CLIP2: variants seen among roughly 807,000 people sequenced by gnomAD.
CLIP2 encodes CAP-Gly domain containing linker protein 2, also known as CAP-Gly domain-containing linker protein 2.
Under a neutral mutation model 111.7 loss-of-function variants are expected in CLIP2, and 41 were observed. That is an observed-to-expected ratio of 0.37 (90% CI 0.29 to 0.48). The LOEUF (loss-of-function observed/expected upper bound fraction) is 0.48, where lower values mean the gene tolerates loss of function less well. Ranked by LOEUF, CLIP2 falls within the 20% of genes least tolerant of loss-of-function variation. The pLI, the probability that CLIP2 is intolerant of heterozygous loss-of-function variation, is 0.99. For synonymous variants in CLIP2, 660 were observed against 644.2 expected (o/e 1.02, Z -0.37); for missense variants, 1,160 against 1,422.1 (o/e 0.82, Z 2.96).
At position 74,330,248 on chromosome 7, in the gene CLIP2, C is replaced by CTTTTTTTTT. The variant is rs10635770; in HGVS notation, c.122-8194_122-8186dup. Among the ~76,000 whole-genome samples, 30 of 136,402 alleles carry CTTTTTTTTT rather than the reference C, an allele frequency of 2.2e-4. 1 individual carries two copies. The highest frequency in any genetic ancestry group is 2.8e-4 in the Non-Finnish European group (18 of 64,188). The allele number at this position is 136,402 out of a possible 152,430, so 89.5% of individuals were successfully genotyped here. A position where few individuals can be genotyped will look rare whatever the true frequency, so the allele number is the denominator to read the frequency against. Reference sequence around the variant, plus strand: ...CTAGCTTCCTCTTGGTGTTTCTTTTCTTTTTTTTTTTTTTCTTTCTTTTTT... The same window carrying CTTTTTTTTT: ...CTAGCTTCCTCTTGGTGTTTCTTTTCTTTTTTTTTTTTTTTTTTTTTTTCTTTCTTTTTT... On this transcript the variant is annotated intron_variant, in intron 2 of 16. Coordinates refer to ENST00000223398, the MANE Select transcript of CLIP2 (RefSeq NM_003388.5).
intron 2 of CLIP2, among the ~76,000 whole-genome samples, chr7:74,335,643 T>TTTCCTTCCTTCCTTCCTTCCTTCC (rs199977061): frequency 2.8e-4 from 38 of 137,958 alleles, no homozygotes; most frequent in South Asian, 1.0e-3. Flanking sequence ...CCTGGCTTAT[T>TTTCCTTCCTTCCTTCCTTCCTTCC]TTCCTTCCTT....
rs1554312225 is a variant in CLIP2, at chr7:74,372,979, C to A, written c.1428C>A (p.Ser476Arg). The A allele has an allele frequency of 1.3e-6, 2 of 1,591,518 alleles. No individual in the cohort carries two copies. Among genetic ancestry groups the A allele is most frequent in the African/African-American group, 1.4e-5 (1 of 73,498 alleles). Residue 476 changes from serine to arginine, a missense_variant, in exon 9 of 17, where the codon AGC becomes AGA. Transcript: ENST00000223398. ...EHARIGELEQ[S>R]LLLEKAQAER... ...CGCGCATTGGGGAGCTGGAACAGAGCCTGCTACTGGAGAAGGCGCAGGCCG... is the reference window on the plus strand; with the variant it reads ...CGCGCATTGGGGAGCTGGAACAGAGACTGCTACTGGAGAAGGCGCAGGCCG...
intron 3 of CLIP2, among the ~76,000 whole-genome samples, chr7:74,347,955 G>A (rs997955889): frequency 2.6e-5 from 4 of 151,874 alleles, no homozygotes; most frequent in Admixed American, 6.6e-5. Context: ...CAAGACGGGC[G>A]GATCACTTGA....
Position 74,338,436 on chromosome 7 carries a change from C to T in CLIP2, c.122-12C>T. Reference sequence around the variant, plus strand: ...CAGCCACCTCTTTCCCTTTCCCTCTCCTTCTCTGCAGGCTCCCCACTGCAC... The same window carrying T: ...CAGCCACCTCTTTCCCTTTCCCTCTTCTTCTCTGCAGGCTCCCCACTGCAC... On this transcript the variant is annotated splice_polypyrimidine_tract_variant and intron_variant, in intron 2 of 16. Transcript: ENST00000223398. This position sits in a 1 kb window ranked among gnomAD's most constrained non-coding sequence, Gnocchi z 4.3. The T allele has an allele frequency of 1.9e-6, 3 of 1,611,300 alleles. No homozygotes were observed. Among genetic ancestry groups the T allele is most frequent in the Non-Finnish European group, 1.7e-6 (2 of 1,179,308 alleles).
At chr7:74,297,743 A>G (rs1554726280) in intron 1 of CLIP2, among the ~76,000 whole-genome samples, 1 of 151,964 alleles carries the variant, frequency 6.6e-6, no homozygotes, top group Non-Finnish European at 1.5e-5. Flanking sequence ...GAATGTGGCT[A>G]TGGGGTGTGA....
At chr7:74,379,862 G>A (rs1191981380) in intron 10 of CLIP2, among the ~76,000 whole-genome samples, 16 of 151,924 alleles carry the variant, frequency 1.1e-4, no homozygotes, top group Admixed American at 9.2e-4. Context: ...CAGGAGAATC[G>A]CTTGAACCCG....
intron 10 of CLIP2, 197 bp from the exon 11 acceptor site, chr7:74,380,609 G>A (rs1562721204): frequency 2.0e-6 from 1 of 489,934 alleles, no homozygotes; most frequent in East Asian, 3.1e-5. Context: ...GGTGCAGAAT[G>A]GGGGTCCTCT....
chr7:74,330,248 C>CTTTTTTTTTTTTTTTTTTT (rs10635770), intron 2 of CLIP2, among the ~76,000 whole-genome samples: 1 of 136,470 alleles, frequency 7.3e-6, no homozygotes, highest in Non-Finnish European at 1.6e-5. Flanking sequence ...TGTTTCTTTT[C>CTTTTTTTTTTTTTTTTTTT]TTTTTTTTTT....
At chr7:74,389,853 C>G (rs1301072648) in intron 13 of CLIP2, among the ~76,000 whole-genome samples, 8 of 151,434 alleles carry the variant, frequency 5.3e-5, no homozygotes, top group Non-Finnish European at 1.0e-4. Flanking sequence ...GAGCTGAGAT[C>G]ATGCCACTGC....
intron 13 of CLIP2, among the ~76,000 whole-genome samples, chr7:74,390,598 G>A (rs374732563): frequency 1.3e-5 from 2 of 152,102 alleles, no homozygotes; most frequent in Admixed American, 6.6e-5. Context: ...TAGGTGGCAA[G>A]TCGAGGCTGC....
intron 8 of CLIP2, among the ~76,000 whole-genome samples, chr7:74,369,202 T>C (rs1790538330): frequency 6.6e-6 from 1 of 151,868 alleles, no homozygotes; most frequent in Non-Finnish European, 1.5e-5. Context: ...AATACAAAAA[T>C]TAGCTGGGCA....
chr7:74,364,996 TGTGTGTGTGTG>T, intron 8 of CLIP2: 7 of 14,780 alleles, frequency 4.7e-4, no homozygotes, highest in South Asian at 3.6e-3. Flanking sequence ...TTTTTTGTTG[TGTGTGTGTGTG>T]TGTGTGTGTG....
chr7:74,387,686 G>A (rs1791153773), intron 12 of CLIP2, among the ~76,000 whole-genome samples: 1 of 152,182 alleles, frequency 6.6e-6, no homozygotes. Context: ...AAAGGTCAGT[G>A]GACCTCAGAC....
At chr7:74,334,791 C>A (rs1489169536) in intron 2 of CLIP2, among the ~76,000 whole-genome samples, 3 of 148,620 alleles carry the variant, frequency 2.0e-5, no homozygotes, top group Admixed American at 6.8e-5. Context: ...ACCAGCCTTA[C>A]CACATGGCAA....
chr7:74,394,245 A>ATTTTTTTTT (rs56651501), intron 13 of CLIP2, among the ~76,000 whole-genome samples: 2 of 117,408 alleles, frequency 1.7e-5, no homozygotes, highest in African/African-American at 3.3e-5. Flanking sequence ...TTTTCTTCTT[A>ATTTTTTTTT]TTTTTTTTTT....
intron 2 of CLIP2, among the ~76,000 whole-genome samples, chr7:74,330,823 AGT>A (rs1789257628): frequency 6.7e-6 from 1 of 150,198 alleles, no homozygotes; most frequent in African/African-American, 2.5e-5. Flanking sequence ...AGGTCAAAAT[AGT>A]GAGTCAGTTT....
At chr7:74,349,102 T>G (rs1269718891) in intron 3 of CLIP2, among the ~76,000 whole-genome samples, 2 of 151,688 alleles carry the variant, frequency 1.3e-5, no homozygotes, top group Non-Finnish European at 2.9e-5. Context: ...CACAATGCAT[T>G]CTGCCCATGC....
chr7:74,348,606 G>T (rs1489903906), intron 3 of CLIP2, among the ~76,000 whole-genome samples: 1 of 151,700 alleles, frequency 6.6e-6, no homozygotes, highest in Non-Finnish European at 1.5e-5. Context: ...TGGCTAACAC[G>T]GTGAAACCCC....
At position 74,322,948 on chromosome 7, in the gene CLIP2, C is replaced by T. The variant is rs569545350; in HGVS notation, c.121+5281C>T. Among the ~76,000 whole-genome samples, 44 of 151,954 alleles carry T rather than the reference C, an allele frequency of 2.9e-4. 1 individual carries two copies. Among genetic ancestry groups the T allele is most frequent in the Admixed American group, 7.2e-4 (11 of 15,220 alleles). On this transcript the variant is annotated intron_variant, in intron 2 of 16. Coordinates refer to ENST00000223398, the MANE Select transcript of CLIP2 (RefSeq NM_003388.5). ...GTTTCACCATGTTGGCCAGGCTGGT[C>T]TTGATCTTCTGACCTTGTGATCCAC...
Sources: gnomAD v4.1 joint callset for allele counts (sites outside exome capture counted in the v4.1 genomes callset) on GRCh38, gnomAD v4.1.1 for gene constraint, Gnocchi (gnomAD v3.1) non-coding constraint, MANE v1.5 for transcripts, NCBI Gene and HGNC (gene_info 2026-07-23, HGNC 2026-07-21) for gene names.